Variants in IPO11 observed in about 807,000 individuals in gnomAD.
The protein encoded by IPO11 is importin-11.
IPO11 carries 66 observed loss-of-function variants against 143.2 expected under a neutral mutation model. That is an observed-to-expected ratio of 0.46 (90% confidence interval 0.38 to 0.57). The LOEUF (loss-of-function observed/expected upper bound fraction) is 0.57. Ranked by LOEUF, IPO11 falls within the 20% of genes least tolerant of loss-of-function variation. IPO11 has a pLI of 0.00. For missense variants in IPO11, 1,026 were observed against 1,141.0 expected, an observed-to-expected ratio of 0.90 and a Z score of 1.45; for synonymous variants, 385 against 377.8, an observed-to-expected ratio of 1.02 and a Z score of -0.22.
intron 3 of IPO11, among the ~76,000 whole-genome samples, chr5:62,446,137 A>C (rs969872173): frequency 1.3e-5 from 2 of 152,220 alleles, no homozygotes; most frequent in Non-Finnish European, 2.9e-5. Context: ...ATTAACTTTG[A>C]GTAAGTCATT....
At chr5:62,452,561 G>C (rs1009412112) in intron 5 of IPO11, among the ~76,000 whole-genome samples, 1 of 150,928 alleles carries the variant, frequency 6.6e-6, no homozygotes, top group Admixed American at 6.6e-5. Flanking sequence ...ATACGTCTGG[G>C]TAACTGAAGG....
At position 62,484,098 on chromosome 5, in the gene IPO11, C is replaced by A. The variant is rs768352842; in HGVS notation, c.1110C>A (p.Val370=). The part of the protein sequence containing the change: ...PTLTEICRRL[V]SHYFLLTEEE... ...TGACAGAGATATGTAGAAGATTAGT[C>A]TCTCATTATTTCCTATTAACTGAAG... The change falls in exon 11 of 30, where the codon GTC becomes GTA. Residue 370 remains valine, a synonymous_variant. Coordinates refer to ENST00000325324, the MANE Select transcript of IPO11 (RefSeq NM_016338.5). The A allele has an allele frequency of 1.1e-5, 17 of 1,611,142 alleles. No individual in the cohort carries two copies. The Admixed American group carries it at 2.5e-4, about 24-fold the overall frequency.
intron 6 of IPO11, 110 bp downstream of exon 6, chr5:62,467,373 G>T: frequency 8.8e-7 from 1 of 1,137,006 alleles, no homozygotes; most frequent in Non-Finnish European, 1.2e-6. Context: ...AAAAATAAGA[G>T]GTTTATTTCT....
Position 62,572,294 on chromosome 5 carries a change from A to C in IPO11, c.2582+11037A>C, listed in dbSNP as rs368462505. On this transcript the variant is annotated intron_variant, in intron 27 of 29. Coordinates refer to ENST00000325324, the MANE Select transcript of IPO11 (RefSeq NM_016338.5). Reference sequence around the variant, plus strand: ...TATCTCGTTTTTATTTAAGTTGTTCATAAAAGGGACAACATATCATTCTTC... The same window carrying C: ...TATCTCGTTTTTATTTAAGTTGTTCCTAAAAGGGACAACATATCATTCTTC... Among the ~76,000 whole-genome samples the C allele has an allele frequency of 1.6e-4, 24 of 152,360 alleles. 1 individual carries two copies. In the East Asian group the frequency reaches 2.1e-3, roughly 13 times the overall value.
At chr5:62,539,506 C>CT (rs1049562343) in intron 24 of IPO11, among the ~76,000 whole-genome samples, 5 of 152,062 alleles carry the variant, frequency 3.3e-5, no homozygotes, top group African/African-American at 1.2e-4. Flanking sequence ...TTATTAGTTT[C>CT]TTTTTTAGAG....
intron 12 of IPO11, among the ~76,000 whole-genome samples, chr5:62,487,022 TTAAA>T (rs1746431322): frequency 6.6e-6 from 1 of 152,140 alleles, no homozygotes; most frequent in South Asian, 2.1e-4. Context: ...TTTTTAAAAT[TTAAA>T]TAAAAAATTA....
chr5:62,551,477 C>A, intron 26 of IPO11, 141 bp downstream of exon 26: 1 of 499,038 alleles, frequency 2.0e-6, no homozygotes, highest in Non-Finnish European at 3.6e-6. Flanking sequence ...TATGCTGTAT[C>A]AATAATTTGG....
chr5:62,500,020 C>T (rs1357140609), intron 16 of IPO11, among the ~76,000 whole-genome samples: 1 of 152,170 alleles, frequency 6.6e-6, no homozygotes, highest in African/African-American at 2.4e-5. Flanking sequence ...TGTGGTAGCT[C>T]ACGCCTATAA....
At chr5:62,499,480 G>T (rs567760694) in intron 16 of IPO11, among the ~76,000 whole-genome samples, 2 of 151,406 alleles carry the variant, frequency 1.3e-5, no homozygotes, top group Admixed American at 1.3e-4. Flanking sequence ...TACCACTGTA[G>T]ACTTCATAAT....
At chr5:62,449,835 A>C in intron 3 of IPO11, 92 bp from the exon 4 acceptor site, 1 of 756,160 alleles carries the variant, frequency 1.3e-6, no homozygotes, top group Non-Finnish European at 2.1e-6. Flanking sequence ...ACATGTTTGA[A>C]AGGCTTTTTA....
At chr5:62,424,026 AT>A (rs1225748592) in intron 1 of IPO11, among the ~76,000 whole-genome samples, 2 of 150,964 alleles carry the variant, frequency 1.3e-5, no homozygotes, top group South Asian at 2.1e-4. Context: ...ATAGATCATG[AT>A]TTTTTTTCTG....
Position 62,439,793 on chromosome 5 carries a change from TC to T in IPO11, c.138+2378del, listed in dbSNP as rs1261798534. On this transcript the variant is annotated intron_variant, in intron 2 of 29. Coordinates refer to ENST00000325324, the MANE Select transcript of IPO11 (RefSeq NM_016338.5). Reference sequence around the variant, plus strand: ...TTAAAAAGCTGCTGTGTTTTAGTCTTCCTTTTTCCCCTATACTCGCTATCTA... The same window carrying T: ...TTAAAAAGCTGCTGTGTTTTAGTCTTCTTTTTCCCCTATACTCGCTATCTA... Among the ~76,000 whole-genome samples, 10 of 152,306 alleles carry T rather than the reference TC, an allele frequency of 6.6e-5. No individual in the cohort carries two copies. The East Asian group carries it at 1.5e-3, about 24-fold the overall frequency.
At chr5:62,620,699 T>C (rs918447191) in intron 29 of IPO11, among the ~76,000 whole-genome samples, 3 of 152,172 alleles carry the variant, frequency 2.0e-5, no homozygotes, top group Non-Finnish European at 4.4e-5. Flanking sequence ...AGTTTTATCA[T>C]GCAGATGAAG....
At chr5:62,421,100 T>G (rs1289739221) in intron 1 of IPO11, among the ~76,000 whole-genome samples, 1 of 152,256 alleles carries the variant, frequency 6.6e-6, no homozygotes, top group Non-Finnish European at 1.5e-5. Context: ...CTGTTTGGAT[T>G]TTAAATCCCT....
At chr5:62,523,939 T>C (rs984441826) in intron 20 of IPO11, among the ~76,000 whole-genome samples, 7 of 152,154 alleles carry the variant, frequency 4.6e-5, no homozygotes, top group Non-Finnish European at 7.4e-5. Flanking sequence ...GAAAAAATTA[T>C]AGATTCACAG....
intron 2 of IPO11, among the ~76,000 whole-genome samples, chr5:62,440,862 T>G (rs1253391897): frequency 6.6e-6 from 1 of 150,816 alleles, no homozygotes; most frequent in South Asian, 2.1e-4. Flanking sequence ...ATTCGGGAGG[T>G]TGAGGAAGGA....
At chr5:62,419,148 A>T (rs983032102) in intron 1 of IPO11, 57 of 1,544,892 alleles carry the variant, frequency 3.7e-5, no homozygotes, top group Non-Finnish European at 4.4e-5. Flanking sequence ...GTGTGTTTAA[A>T]CATGTCTAAA....
chr5:62,554,011 G>A (rs959546325), intron 26 of IPO11, among the ~76,000 whole-genome samples: 1 of 152,172 alleles, frequency 6.6e-6, no homozygotes, highest in African/African-American at 2.4e-5. Context: ...GATTACAAGT[G>A]TGAGTCACTG....
At chr5:62,441,496 C>CTTTTT (rs995019567) in intron 2 of IPO11, among the ~76,000 whole-genome samples, 7 of 47,376 alleles carry the variant, frequency 1.5e-4, no homozygotes, top group Admixed American at 3.5e-4. Context: ...TGTGCCTGGC[C>CTTTTT]TTTTTTTTTT....
Sources: gnomAD v4.1 joint callset for allele counts (sites outside exome capture counted in the v4.1 genomes callset) on GRCh38, gnomAD v4.1.1 for gene constraint, MANE v1.5 for transcripts, NCBI Gene and HGNC (gene_info 2026-07-23, HGNC 2026-07-21) for gene names.